The following GALNT2 variants were observed in gnomAD, a reference collection of about 807,000 sequenced individuals.
The protein encoded by GALNT2 is polypeptide N-acetylgalactosaminyltransferase 2, also known as UDP-GalNAc:polypeptide N-acetylgalactosaminyltransferase 2.
In GALNT2, 31 loss-of-function variants were observed where a neutral mutation model predicts 81.4. That is an observed-to-expected ratio of 0.38 (90% CI 0.29 to 0.51). GALNT2 has a LOEUF of 0.51. Ranked by LOEUF, GALNT2 falls within the 20% of genes least tolerant of loss-of-function variation. GALNT2 has a pLI of 0.87. For synonymous variants in GALNT2, 303 were observed against 287.4 expected (o/e 1.05, Z -0.55); for missense variants, 629 against 765.7 (o/e 0.82, Z 2.11).
chr1:230,063,565 AC>A (rs1659098208), upstream of GALNT2, among the ~76,000 whole-genome samples: 1 of 152,176 alleles, frequency 6.6e-6, no homozygotes, highest in African/African-American at 2.4e-5. Context: ...GTGACTTCAG[AC>A]CTGCCCCATG....
intron 1 of GALNT2, among the ~76,000 whole-genome samples, chr1:230,126,130 C>T (rs1404385461): frequency 6.6e-6 from 1 of 152,170 alleles, no homozygotes; most frequent in African/African-American, 2.4e-5. Context: ...TGATGAGGTT[C>T]CCTAGATGAG....
At chr1:230,098,502 T>A (rs773846440) in intron 1 of GALNT2, among the ~76,000 whole-genome samples, 2 of 151,778 alleles carry the variant, frequency 1.3e-5, no homozygotes, top group Non-Finnish European at 2.9e-5. Context: ...ATCCCGTTTC[T>A]TAGAAAGAAA....
At chr1:230,129,059 G>A (rs942280404) in intron 1 of GALNT2, among the ~76,000 whole-genome samples, 8 of 152,354 alleles carry the variant, frequency 5.3e-5, no homozygotes, top group East Asian at 1.9e-4. Context: ...CGCCGCTAGC[G>A]ACGCATCAGT....
At chr1:230,192,850 T>C (rs935706893) in intron 2 of GALNT2, among the ~76,000 whole-genome samples, 1 of 152,254 alleles carries the variant, frequency 6.6e-6, no homozygotes, top group African/African-American at 2.4e-5. Flanking sequence ...AGACGGTTTC[T>C]CACAGGTGAA....
intron 1 of GALNT2, among the ~76,000 whole-genome samples, chr1:230,124,940 C>T (rs1171187459): frequency 5.3e-5 from 8 of 152,212 alleles, no homozygotes; most frequent in African/African-American, 1.9e-4. Context: ...ACTGGAGGAG[C>T]ACACCCTGGT....
intron 1 of GALNT2, among the ~76,000 whole-genome samples, chr1:230,097,154 G>C (rs1385344185): frequency 6.6e-6 from 1 of 152,188 alleles, no homozygotes; most frequent in Non-Finnish European, 1.5e-5. Flanking sequence ...AATCCAGATT[G>C]TTAAAACACT....
chr1:230,090,222 A>C (rs187787884), intron 1 of GALNT2, among the ~76,000 whole-genome samples: 1 of 152,128 alleles, frequency 6.6e-6, no homozygotes, highest in African/African-American at 2.4e-5. Context: ...ATCCCAGGCA[A>C]CCTCTTCTGG....
intron 2 of GALNT2, among the ~76,000 whole-genome samples, chr1:230,182,199 T>C (rs1663182871): frequency 6.6e-6 from 1 of 152,066 alleles, no homozygotes; most frequent in African/African-American, 2.4e-5. Flanking sequence ...GTTTTTGTTT[T>C]TTTCTGTATT....
Position 230,145,597 on chromosome 1 carries a change from G to T in GALNT2, c.127-32621G>T, listed in dbSNP as rs116468714. ...GAGGTCGGGGCTTAGACATTTACACGGTTTTCTTTTGCCTTTTGAGATTCT... is the reference window on the plus strand; with the variant it reads ...GAGGTCGGGGCTTAGACATTTACACTGTTTTCTTTTGCCTTTTGAGATTCT... On this transcript the variant is annotated intron_variant, in intron 1 of 15. Transcript: ENST00000366672. Among the ~76,000 whole-genome samples the T allele has an allele frequency of 2.3e-3, 349 of 152,350 alleles. 1 individual carries two copies. Among genetic ancestry groups the T allele is most frequent in the African/African-American group, 7.7e-3 (319 of 41,580 alleles).
intron 1 of GALNT2, among the ~76,000 whole-genome samples, chr1:230,120,407 C>T (rs12087833): frequency 2.6e-5 from 4 of 151,920 alleles, no homozygotes; most frequent in East Asian, 1.9e-4. Context: ...GGGCTCTTCC[C>T]GAGAAGAGGG....
At chr1:230,066,748 C>G (rs1659190724), upstream of GALNT2, among the ~76,000 whole-genome samples, 1 of 152,198 alleles carries the variant, frequency 6.6e-6, no homozygotes, top group South Asian at 2.1e-4. Flanking sequence ...CAGGAAGCAC[C>G]GAGGCCACTA....
intron 2 of GALNT2, among the ~76,000 whole-genome samples, chr1:230,179,994 A>T (rs1189761536): frequency 6.6e-6 from 1 of 152,188 alleles, no homozygotes; most frequent in Non-Finnish European, 1.5e-5. Flanking sequence ...ATCTCAGCTC[A>T]TTGCAACCTC....
intron 1 of GALNT2, among the ~76,000 whole-genome samples, chr1:230,144,990 C>T (rs932657257): frequency 3.3e-5 from 5 of 152,102 alleles, no homozygotes; most frequent in Admixed American, 1.3e-4. Context: ...TCCTCTCTTG[C>T]TTGGTAACCT....
At chr1:230,102,514 C>A (rs1207843351) in intron 1 of GALNT2, among the ~76,000 whole-genome samples, 1 of 152,120 alleles carries the variant, frequency 6.6e-6, no homozygotes, top group Non-Finnish European at 1.5e-5. Flanking sequence ...GAGCTTGCAG[C>A]AGATGGGCTT....
intron 3 of GALNT2, among the ~76,000 whole-genome samples, chr1:230,224,939 AT>A (rs1664662535): frequency 6.6e-6 from 1 of 152,270 alleles, no homozygotes; most frequent in South Asian, 2.1e-4. Context: ...TTTTAGACGA[AT>A]AATTTCGAAG....
chr1:230,155,964 A>G (rs964228629), intron 1 of GALNT2, among the ~76,000 whole-genome samples: 4 of 151,848 alleles, frequency 2.6e-5, no homozygotes, highest in African/African-American at 9.7e-5. Flanking sequence ...CCATGGGATC[A>G]GTGCTAAGGG....
chr1:230,083,240 GGGATGATGGAGCAGGCAGCCA>G (rs567314649), intron 1 of GALNT2, among the ~76,000 whole-genome samples: 2,087 of 147,614 alleles, frequency 0.014, 55 homozygotes, highest in African/African-American at 0.049. Flanking sequence ...GCGGGGAGCT[GGGATGATGGAGCAGGCAGCCA>G]GGATGATGGA....
chr1:230,237,530 T>C (rs552552010), intron 6 of GALNT2, among the ~76,000 whole-genome samples: 1 of 152,216 alleles, frequency 6.6e-6, no homozygotes, highest in Admixed American at 6.5e-5. Context: ...TCATTACATA[T>C]GCACTCCAGC....
At position 230,059,089 on chromosome 1, in the gene GALNT2, C is replaced by T. The variant is rs148814237; in HGVS notation, n.89+1011C>T. 2.2e-4 allele frequency among the ~76,000 whole-genome samples: 34 copies of T among 152,256 alleles called. No homozygotes were observed. The East Asian group carries it at 3.9e-3, about 17-fold the overall frequency. On this transcript the variant is annotated intron_variant and non_coding_transcript_variant, in intron 1 of 6. Transcript: ENST00000494106. ...TCCTTTTCTCCTGATTGGGTATTGT[C>T]CCCCTTTAAAGTATTTTAGAAAAAA...
Sources: gnomAD v4.1 joint callset for allele counts (sites outside exome capture counted in the v4.1 genomes callset) on GRCh38, gnomAD v4.1.1 for gene constraint, MANE v1.5 for transcripts, NCBI Gene and HGNC (gene_info 2026-07-23, HGNC 2026-07-21) for gene names.